Variants in DTNB observed in about 807,000 individuals in gnomAD.
DTNB encodes the protein dystrobrevin beta.
In DTNB, 63 loss-of-function variants were observed where a neutral mutation model predicts 90.7. The observed-to-expected ratio is 0.69, with a 90% CI of 0.57 to 0.86. The LOEUF (loss-of-function observed/expected upper bound fraction) is 0.86, where lower values mean the gene tolerates loss of function less well. Among genes scored for constraint, DTNB ranks in the 40% least tolerant of loss-of-function variants. The probability of loss-of-function intolerance (pLI) is 0.00; values close to 1 mark genes in which losing one functional copy is unlikely to be tolerated. For synonymous variants in DTNB, 277 were observed against 286.7 expected, an observed-to-expected ratio of 0.97 and a Z score of 0.34; for missense variants, 744 against 807.1, an observed-to-expected ratio of 0.92 and a Z score of 0.95.
chr2:25,484,055 G>A (rs1030113372), intron 9 of DTNB, among the ~76,000 whole-genome samples: 1 of 152,016 alleles, frequency 6.6e-6, no homozygotes, highest in African/African-American at 2.4e-5. Flanking sequence ...GGTTTTGCCT[G>A]CTGCAAACCT....
intron 5 of DTNB, among the ~76,000 whole-genome samples, chr2:25,596,908 CA>C (rs1420146041): frequency 6.6e-6 from 1 of 152,078 alleles, no homozygotes; most frequent in Non-Finnish European, 1.5e-5. Flanking sequence ...AATATTACTC[CA>C]ACTTTATCTG....
At chr2:25,400,348 G>A (rs138462369) in intron 16 of DTNB, among the ~76,000 whole-genome samples, 6 of 152,340 alleles carry the variant, frequency 3.9e-5, no homozygotes, top group Admixed American at 6.5e-5. Flanking sequence ...AATGCACCTC[G>A]TCTCAAAAGC....
rs1459242707 is a variant in DTNB at position 25,652,672 on chromosome 2, A to C, written c.-1-11T>G. 1 of 1,609,950 alleles carries C rather than the reference A, an allele frequency of 6.2e-7. No individual in the cohort carries two copies. The highest frequency in any genetic ancestry group is 2.2e-5 in the East Asian group (1 of 44,838). On this transcript the variant is annotated splice_polypyrimidine_tract_variant and intron_variant, in intron 1 of 20. Transcript: ENST00000406818. Reference sequence around the variant, plus strand: ...CTTTCCTCAATCATCCTAGAGACAAAGAAAGATACAATAAACCACTGTATA... The same window carrying C: ...CTTTCCTCAATCATCCTAGAGACAACGAAAGATACAATAAACCACTGTATA...
chr2:25,563,323 G>A (rs1280763893), intron 8 of DTNB, among the ~76,000 whole-genome samples: 1 of 152,100 alleles, frequency 6.6e-6, no homozygotes, highest in African/African-American at 2.4e-5. Flanking sequence ...TTGTTGCTGA[G>A]TTTTAAGAGT....
intron 4 of DTNB, among the ~76,000 whole-genome samples, chr2:25,624,647 G>A (rs1559281822): frequency 6.6e-6 from 1 of 152,174 alleles, no homozygotes; most frequent in Admixed American, 6.5e-5. Context: ...TAACACAAAG[G>A]TTGGAAATAG....
intron 8 of DTNB, among the ~76,000 whole-genome samples, chr2:25,533,683 C>T (rs568664689): frequency 6.6e-6 from 1 of 152,340 alleles, no homozygotes; most frequent in African/African-American, 2.4e-5. Flanking sequence ...ACAGTTGACT[C>T]AAAATACACT....
At chr2:25,535,811 G>A (rs1296346529) in intron 8 of DTNB, among the ~76,000 whole-genome samples, 4 of 145,462 alleles carry the variant, frequency 2.7e-5, no homozygotes, top group African/African-American at 1.0e-4. Flanking sequence ...GGGCAGCCGG[G>A]CAGAGGTGCT....
At position 25,455,445 on chromosome 2, in the gene DTNB, G is replaced by A. The variant is rs375720337; in HGVS notation, c.1129C>T (p.Leu377=). ...AGACGGGCCACATAGGAGGCTATCA[G>A]CGCATGCTCATCGGCCAAGTGACTG... ...IPSHLADEHA[L]IASYVARLQH... is the part of the protein sequence containing the mutation. The change falls in exon 11 of 21, where the codon CTG becomes TTG. Residue 377 remains leucine, a synonymous_variant. Coordinates refer to ENST00000406818, the MANE Select transcript of DTNB (RefSeq NM_021907.5). The A allele has an allele frequency of 6.9e-5, 111 of 1,606,606 alleles. No homozygotes were observed. The highest frequency in any genetic ancestry group is 8.3e-5 in the Non-Finnish European group (98 of 1,176,822).
chr2:25,396,766 G>C (rs1445430405), intron 16 of DTNB, among the ~76,000 whole-genome samples: 1 of 148,798 alleles, frequency 6.7e-6, no homozygotes, highest in African/African-American at 2.5e-5. Context: ...ACTGGTGCTA[G>C]GGATAGCTCT....
At position 25,633,547 on chromosome 2, in the gene DTNB, C is replaced by G. The variant is rs1432394553; in HGVS notation, c.149-5163G>C. Among the ~76,000 whole-genome samples the G allele has an allele frequency of 5.9e-5, 9 of 152,198 alleles. No individual in the cohort carries two copies. The South Asian group carries it at 1.9e-3, about 32-fold the overall frequency. On this transcript the variant is annotated intron_variant, in intron 3 of 20. Transcript: ENST00000406818. Reference sequence around the variant, plus strand: ...ACCTCCCAGCCGCCTGCCTTGGCCCCCCAAAGTGCCAAGATTGCAGCCTCT... The same window carrying G: ...ACCTCCCAGCCGCCTGCCTTGGCCCGCCAAAGTGCCAAGATTGCAGCCTCT...
chr2:25,566,273 T>C (rs2059016905), intron 8 of DTNB, among the ~76,000 whole-genome samples: 1 of 152,160 alleles, frequency 6.6e-6, no homozygotes, highest in African/African-American at 2.4e-5. Flanking sequence ...AATGGGGACC[T>C]CAGCACCACA....
chr2:25,545,015 G>C (rs1483060292), intron 8 of DTNB, among the ~76,000 whole-genome samples: 1 of 151,944 alleles, frequency 6.6e-6, no homozygotes, highest in Non-Finnish European at 1.5e-5. Context: ...TGATCTTTTT[G>C]TTCCACCCTT....
chr2:25,385,076 T>C (rs6761328), intron 18 of DTNB, among the ~76,000 whole-genome samples: 96,340 of 151,668 alleles, frequency 0.64, 31,587 homozygotes, highest in African/African-American at 0.8. Context: ...CGGGGTTTCA[T>C]CATGTTGGTC....
chr2:25,570,630 T>C (rs1348875944), intron 8 of DTNB, among the ~76,000 whole-genome samples: 1 of 152,148 alleles, frequency 6.6e-6, no homozygotes, highest in Non-Finnish European at 1.5e-5. Flanking sequence ...TGGCAGCATT[T>C]GACACAGTTG....
chr2:25,545,154 A>C (rs188326111), intron 8 of DTNB, among the ~76,000 whole-genome samples: 1 of 152,304 alleles, frequency 6.6e-6, no homozygotes, highest in Non-Finnish European at 1.5e-5. Flanking sequence ...CTAACTTTCT[A>C]TTTAACCCCT....
intron 5 of DTNB, among the ~76,000 whole-genome samples, chr2:25,598,235 T>C (rs1573168511): frequency 6.6e-6 from 1 of 152,136 alleles, no homozygotes; most frequent in East Asian, 1.9e-4. Flanking sequence ...GCAGCTATGA[T>C]AGCTGGAGCT....
At chr2:25,622,344 C>A (rs573375950) in intron 4 of DTNB, among the ~76,000 whole-genome samples, 1 of 152,052 alleles carries the variant, frequency 6.6e-6, no homozygotes, top group Non-Finnish European at 1.5e-5. Context: ...ATTAGCCAGG[C>A]GTGGTGGCGT....
At chr2:25,648,920 T>C (rs1349096822) in intron 2 of DTNB, among the ~76,000 whole-genome samples, 1 of 150,858 alleles carries the variant, frequency 6.6e-6, no homozygotes, top group Non-Finnish European at 1.5e-5. Flanking sequence ...AGTGAAATAT[T>C]AGAAATATAG....
chr2:25,672,934 T>G (rs2086399721), intron 1 of DTNB: 1 of 152,664 alleles, frequency 6.6e-6, no homozygotes, highest in South Asian at 2.1e-4. Flanking sequence ...GAAACAGTGA[T>G]TTGGGGTGAT....
Sources: allele counts gnomAD v4.1 joint callset (sites outside exome capture counted in the v4.1 genomes callset), GRCh38; gene constraint gnomAD v4.1.1; transcripts MANE v1.5; gene names NCBI Gene and HGNC (gene_info 2026-07-23, HGNC 2026-07-21).